Variants in AGBL1 observed in about 807,000 individuals in gnomAD.
AGBL1 encodes the protein AGBL carboxypeptidase 1, also known as cytosolic carboxypeptidase 4.
AGBL1 carries 130 observed loss-of-function variants against 118.9 expected under a neutral mutation model. The observed-to-expected ratio is 1.09, with a 90% confidence interval of 0.95 to 1.26. AGBL1 has a LOEUF of 1.26. AGBL1 is among the 50% of genes most tolerant of loss of function. The pLI, the probability that AGBL1 is intolerant of heterozygous loss-of-function variation, is 0.00. For missense variants in AGBL1, 1,584 were observed against 1,298.1 expected, an observed-to-expected ratio of 1.22 and a Z score of -3.38; for synonymous variants, 555 against 478.9, an observed-to-expected ratio of 1.16 and a Z score of -2.08.
chr15:86,550,747 A>T (rs942922029), intron 20 of AGBL1, among the ~76,000 whole-genome samples: 1 of 152,032 alleles, frequency 6.6e-6, no homozygotes, highest in Non-Finnish European at 1.5e-5. Flanking sequence ...CTTAACTTAC[A>T]TATAGCAGTT....
At chr15:86,370,392 C>T (rs1171164730) in intron 17 of AGBL1, among the ~76,000 whole-genome samples, 7 of 151,396 alleles carry the variant, frequency 4.6e-5, no homozygotes, top group African/African-American at 7.3e-5. Flanking sequence ...GCAACCTCCA[C>T]CTCCCGGGTT....
intron 22 of AGBL1, among the ~76,000 whole-genome samples, chr15:86,815,055 T>C (rs1423391953): frequency 6.6e-6 from 1 of 152,102 alleles, no homozygotes; most frequent in South Asian, 2.1e-4. Context: ...TGACCACCAA[T>C]GTAAATCTGA....
At chr15:86,768,069 G>A (rs1011733325) in intron 22 of AGBL1, among the ~76,000 whole-genome samples, 5 of 151,964 alleles carry the variant, frequency 3.3e-5, no homozygotes, top group Admixed American at 3.3e-4. Context: ...CCCTGATCAT[G>A]TTGCTTCAAG....
chr15:86,677,599 C>G (rs1164298481), intron 22 of AGBL1, among the ~76,000 whole-genome samples: 1 of 152,090 alleles, frequency 6.6e-6, no homozygotes, highest in Non-Finnish European at 1.5e-5. Context: ...AGCCGAGCCC[C>G]CCACCTCCAT....
intron 18 of AGBL1, among the ~76,000 whole-genome samples, chr15:86,488,837 G>A (rs1337893299): frequency 6.6e-6 from 1 of 151,842 alleles, no homozygotes; most frequent in East Asian, 1.9e-4. Flanking sequence ...TTTGCAGAAG[G>A]AATTTCCCTA....
At chr15:86,165,253 C>T (rs1055297833) in intron 5 of AGBL1, among the ~76,000 whole-genome samples, 1 of 152,106 alleles carries the variant, frequency 6.6e-6, no homozygotes, top group African/African-American at 2.4e-5. Flanking sequence ...CTTCTAGGGC[C>T]TCCCTGGCCT....
At chr15:87,004,836 G>T (rs970987269) in intron 24 of AGBL1, among the ~76,000 whole-genome samples, 4 of 152,290 alleles carry the variant, frequency 2.6e-5, no homozygotes, top group Non-Finnish European at 2.9e-5. Context: ...GGTTCCGGTT[G>T]TTCCTTTCCA....
chr15:86,630,204 C>G (rs111969405), intron 21 of AGBL1: 4 of 152,334 alleles, frequency 2.6e-5, no homozygotes, highest in African/African-American at 9.6e-5. Flanking sequence ...GTGTCTATCC[C>G]TCAGGCATTA....
intron 1 of AGBL1, among the ~76,000 whole-genome samples, chr15:86,104,316 C>A (rs545737227): frequency 4.6e-5 from 7 of 152,142 alleles, no homozygotes; most frequent in Admixed American, 4.6e-4. Context: ...ACAGCAGTGG[C>A]TGTGTCATGG....
At chr15:86,330,820 A>C (rs1309561599) in intron 17 of AGBL1, among the ~76,000 whole-genome samples, 1 of 152,256 alleles carries the variant, frequency 6.6e-6, no homozygotes, top group African/African-American at 2.4e-5. Flanking sequence ...GAAATATTTC[A>C]AAATACAATT....
chr15:86,592,579 G>T (rs2084352782), intron 21 of AGBL1, among the ~76,000 whole-genome samples: 1 of 152,206 alleles, frequency 6.6e-6, no homozygotes, highest in East Asian at 1.9e-4. Flanking sequence ...CGTGTGTGCA[G>T]TGTGTTTACT....
intron 18 of AGBL1, among the ~76,000 whole-genome samples, chr15:86,485,328 C>T (rs934856613): frequency 4.6e-5 from 7 of 152,118 alleles, no homozygotes; most frequent in African/African-American, 1.4e-4. Context: ...AAAGAAAAGA[C>T]TTTAAGAGCC....
intron 18 of AGBL1, among the ~76,000 whole-genome samples, chr15:86,441,070 T>C (rs1306661767): frequency 6.6e-6 from 1 of 152,140 alleles, no homozygotes; most frequent in African/African-American, 2.4e-5. Context: ...AAACCATCCA[T>C]TCTACTATAA....
intron 16 of AGBL1, among the ~76,000 whole-genome samples, chr15:86,292,569 A>T (rs28504665): frequency 0.032 from 4,929 of 152,264 alleles, 259 homozygotes; most frequent in African/African-American, 0.11. Context: ...TTGACAAAGG[A>T]GAAAGAATGG....
intron 23 of AGBL1, among the ~76,000 whole-genome samples, chr15:86,946,930 C>T (rs79926263): frequency 1.3e-4 from 20 of 151,782 alleles, no homozygotes; most frequent in African/African-American, 4.8e-4. Flanking sequence ...TGATTCATCC[C>T]TTCGCATGTC....
chr15:86,876,432 A>T (rs1205210671), intron 22 of AGBL1, among the ~76,000 whole-genome samples: 2 of 152,082 alleles, frequency 1.3e-5, no homozygotes, highest in Non-Finnish European at 2.9e-5. Context: ...TGACTCCCCG[A>T]GATGTTCAGA....
At chr15:87,022,181 C>T (rs945665030) in intron 24 of AGBL1, among the ~76,000 whole-genome samples, 94 of 152,086 alleles carry the variant, frequency 6.2e-4, no homozygotes, top group Non-Finnish European at 8.5e-4. Context: ...TTCAGCCCTA[C>T]ACCTTCCCTC....
intron 22 of AGBL1, among the ~76,000 whole-genome samples, chr15:86,813,721 A>G (rs536166171): frequency 6.6e-6 from 1 of 152,316 alleles, no homozygotes; most frequent in Admixed American, 6.5e-5. Flanking sequence ...GGGAATAACA[A>G]TCCAGAGAGA....
intron 17 of AGBL1, among the ~76,000 whole-genome samples, chr15:86,313,064 A>G (rs1378041330): frequency 6.6e-6 from 1 of 151,066 alleles, no homozygotes; most frequent in Non-Finnish European, 1.5e-5. Context: ...TTGGAAACCC[A>G]TAGAGTCAAA....
Sources: allele counts gnomAD v4.1 joint callset (sites outside exome capture counted in the v4.1 genomes callset), GRCh38; gene constraint gnomAD v4.1.1; transcripts MANE v1.5; gene names NCBI Gene and HGNC (gene_info 2026-07-23, HGNC 2026-07-21).